The following SHISAL1 variants were observed in gnomAD, a reference collection of about 807,000 sequenced individuals.
SHISAL1 encodes the protein protein shisa-like-1.
In SHISAL1, 9 loss-of-function variants were observed where a neutral mutation model predicts 22.6. The observed-to-expected ratio is 0.40, with a 90% CI of 0.24 to 0.70. The LOEUF is 0.70. Ranked by LOEUF, SHISAL1 falls within the 30% of genes least tolerant of loss-of-function variation. The pLI is 0.39. For synonymous variants in SHISAL1, 119 were observed against 115.4 expected, an observed-to-expected ratio of 1.03 and a Z score of -0.20; for missense variants, 246 against 270.6, an observed-to-expected ratio of 0.91 and a Z score of 0.64.
intron 4 of SHISAL1, among the ~76,000 whole-genome samples, chr22:44,252,625 G>A (rs2055055715): frequency 9.4e-6 from 1 of 106,086 alleles, no homozygotes; most frequent in South Asian, 3.8e-4. Context: ...ATACACACTT[G>A]CTTAAAAAAA....
intron 1 of SHISAL1, among the ~76,000 whole-genome samples, chr22:44,303,272 A>C (rs534242446): frequency 1.3e-5 from 2 of 152,002 alleles, no homozygotes; most frequent in South Asian, 2.1e-4. Flanking sequence ...GTTCCCCCCA[A>C]ATTCACATGT....
chr22:44,257,181 A>C (rs969968975), intron 4 of SHISAL1, among the ~76,000 whole-genome samples: 1 of 152,224 alleles, frequency 6.6e-6, no homozygotes, highest in African/African-American at 2.4e-5. Flanking sequence ...AGATGCCCAC[A>C]TCCTCTGACC....
intron 1 of SHISAL1, among the ~76,000 whole-genome samples, chr22:44,305,821 T>C (rs1177580155): frequency 6.6e-6 from 1 of 152,126 alleles, no homozygotes; most frequent in Non-Finnish European, 1.5e-5. Flanking sequence ...GCCGCAGCCC[T>C]GTATGCTGGA....
chr22:44,311,845 C>T (rs2055521175), intron 1 of SHISAL1, among the ~76,000 whole-genome samples: 1 of 152,250 alleles, frequency 6.6e-6, no homozygotes, highest in South Asian at 2.1e-4. Flanking sequence ...TTCAGCTCAA[C>T]AACCCTTTGT....
intron 4 of SHISAL1, among the ~76,000 whole-genome samples, chr22:44,259,507 G>C (rs563434057): frequency 6.6e-6 from 1 of 151,962 alleles, no homozygotes; most frequent in Non-Finnish European, 1.5e-5. Context: ...AAGCCCAGGG[G>C]AGCTGGGAAA....
rs893418354 is a variant in SHISAL1, at chr22:44,310,630, C to T, written c.-33+2121G>A. On this transcript the variant is annotated intron_variant, in intron 1 of 4. Transcript: ENST00000381176. This position sits in a 1 kb window ranked among gnomAD's most constrained non-coding sequence, Gnocchi z 4.0. Reference sequence around the variant, plus strand: ...GAACATTAGCAGCTGATCCATAAACCGTTCTTATCCGATGTTGCCTACTCT... The same window carrying T: ...GAACATTAGCAGCTGATCCATAAACTGTTCTTATCCGATGTTGCCTACTCT... 1.3e-5 allele frequency among the ~76,000 whole-genome samples: 2 copies of T among 152,168 alleles called. No individual in the cohort carries two copies. The highest frequency in any genetic ancestry group is 1.3e-4 in the Admixed American group (2 of 15,268).
intron 3 of SHISAL1, among the ~76,000 whole-genome samples, chr22:44,290,793 A>G (rs2055347793): frequency 6.6e-6 from 1 of 152,210 alleles, no homozygotes; most frequent in African/African-American, 2.4e-5. Flanking sequence ...GAGGGCCTGG[A>G]GAGAGACAGA....
chr22:44,297,630 G>C (rs1802018586), intron 2 of SHISAL1, among the ~76,000 whole-genome samples: 1 of 152,262 alleles, frequency 6.6e-6, no homozygotes, highest in Non-Finnish European at 1.5e-5. Context: ...CTCAGGGGCG[G>C]AGGCCCCTAT....
intron 4 of SHISAL1, among the ~76,000 whole-genome samples, chr22:44,263,517 C>A (rs2055140905): frequency 6.6e-6 from 1 of 152,184 alleles, no homozygotes; most frequent in East Asian, 1.9e-4. Flanking sequence ...AGGAACACTG[C>A]CTCAACAAGG....
At chr22:44,294,407 T>C (rs1485638161) in intron 3 of SHISAL1, among the ~76,000 whole-genome samples, 1 of 152,112 alleles carries the variant, frequency 6.6e-6, no homozygotes. Context: ...CAGACAGAGA[T>C]CGAGGCTCAC....
intron 3 of SHISAL1, 137 bp downstream of exon 3, chr22:44,296,535 C>T (rs759286453): frequency 1.4e-5 from 10 of 695,870 alleles, no homozygotes; most frequent in Non-Finnish European, 2.2e-5. Flanking sequence ...CATCCAAAGA[C>T]TCTCCCAGAC....
At chr22:44,315,989 G>A (rs1469250657), upstream of SHISAL1, among the ~76,000 whole-genome samples, 2 of 152,144 alleles carry the variant, frequency 1.3e-5, no homozygotes, top group African/African-American at 2.4e-5. Context: ...CGCCCATATC[G>A]ATGTGGAGCA....
chr22:44,261,153 A>T (rs135432), intron 4 of SHISAL1, among the ~76,000 whole-genome samples: 95,131 of 125,970 alleles, frequency 0.76, 32,549 homozygotes, highest in East Asian at 0.82. Flanking sequence ...AATGACTTTT[A>T]AAAAAAAAAA....
intron 1 of SHISAL1, among the ~76,000 whole-genome samples, chr22:44,302,431 T>C (rs1011630480): frequency 6.6e-6 from 1 of 151,332 alleles, no homozygotes; most frequent in Non-Finnish European, 1.5e-5. Context: ...AAATTTTTAA[T>C]GTTACGAGGG....
At chr22:44,252,994 TTAAAAAAAA>T (rs1027674012) in intron 4 of SHISAL1, among the ~76,000 whole-genome samples, 8 of 150,864 alleles carry the variant, frequency 5.3e-5, no homozygotes, top group Non-Finnish European at 8.8e-5. Flanking sequence ...AGACTCCATC[TTAAAAAAAA>T]TAAAAAAAAT....
the SHISAL1 span, among the ~76,000 whole-genome samples, chr22:44,322,723 C>A: frequency 4.5e-4 from 69 of 152,148 alleles, no homozygotes; most frequent in Non-Finnish European, 1.2e-4. Flanking sequence ...AACCAAGGAG[C>A]CTGGGCCCCC....
upstream of SHISAL1, among the ~76,000 whole-genome samples, chr22:44,317,736 A>G (rs1024727538): frequency 6.6e-6 from 1 of 151,916 alleles, no homozygotes; most frequent in African/African-American, 2.4e-5. Flanking sequence ...CAGACTTAGA[A>G]CCCAGAACTG....
chr22:44,259,597 T>G (rs1375269573), intron 4 of SHISAL1, among the ~76,000 whole-genome samples: 1 of 152,004 alleles, frequency 6.6e-6, no homozygotes, highest in African/African-American at 2.4e-5. Flanking sequence ...GCCCCTGGGC[T>G]TGTGCATGGC....
At chr22:44,298,109 C>G (rs1227804293) in intron 2 of SHISAL1, among the ~76,000 whole-genome samples, 2 of 152,216 alleles carry the variant, frequency 1.3e-5, no homozygotes, top group African/African-American at 4.8e-5. Context: ...TGGGGATGGG[C>G]ATGACCACTG....
Sources: gnomAD v4.1 joint callset for allele counts (sites outside exome capture counted in the v4.1 genomes callset) on GRCh38, gnomAD v4.1.1 for gene constraint, Gnocchi (gnomAD v3.1) non-coding constraint, MANE v1.5 for transcripts, NCBI Gene and HGNC (gene_info 2026-07-23, HGNC 2026-07-21) for gene names.